Variants in L2HGDH observed in about 807,000 individuals in gnomAD.
L2HGDH encodes the protein L-2-hydroxyglutarate dehydrogenase, mitochondrial.
L2HGDH carries 34 observed loss-of-function variants against 51.5 expected under a neutral mutation model. That is an observed-to-expected ratio of 0.66 (90% CI 0.50 to 0.88). The LOEUF (loss-of-function observed/expected upper bound fraction) is 0.88. L2HGDH is among the 40% of genes least tolerant of loss of function. The probability of loss-of-function intolerance (pLI) is 0.00; values close to 1 mark genes in which losing one functional copy is unlikely to be tolerated. For missense variants in L2HGDH, 558 were observed against 571.9 expected, an observed-to-expected ratio of 0.98 and a Z score of 0.25; for synonymous variants, 198 against 197.9, an observed-to-expected ratio of 1.00 and a Z score of -0.01.
chr14:50,247,277 C>A (rs762530726), intron 9 of L2HGDH, 24 bp from the exon 10 acceptor site: 2 of 1,607,366 alleles, frequency 1.2e-6, no homozygotes, highest in Admixed American at 3.4e-5. Context: ...AGATGGGAGT[C>A]AGCTGACTCA....
intron 9 of L2HGDH, among the ~76,000 whole-genome samples, chr14:50,256,196 T>C (rs1888658273): frequency 6.6e-6 from 1 of 152,054 alleles, no homozygotes; most frequent in African/African-American, 2.4e-5. Flanking sequence ...TCTAGTATTT[T>C]ATAAAACTCC....
intron 5 of L2HGDH, among the ~76,000 whole-genome samples, chr14:50,279,564 G>A (rs937203528): frequency 8.5e-5 from 13 of 152,096 alleles, no homozygotes; most frequent in African/African-American, 2.9e-4. Flanking sequence ...TTTGGGCCAA[G>A]CACAGTGGCT....
intron 5 of L2HGDH, among the ~76,000 whole-genome samples, chr14:50,279,575 C>T (rs1174313690): frequency 6.6e-6 from 1 of 151,904 alleles, no homozygotes; most frequent in Non-Finnish European, 1.5e-5. Context: ...CACAGTGGCT[C>T]ATGCCTGTAA....
rs751430698 is a variant in L2HGDH at position 50,244,746 on chromosome 14, T to C, written c.*2312A>G. On this transcript the variant is annotated 3_prime_UTR_variant, in exon 10 of 10. Transcript: ENST00000267436. Reference sequence around the variant, plus strand: ...GCTCAATCAATGTAATCATCAATGCTTGAAGTGAGGGGAAAAGGAAGAAAA... The same window carrying C: ...GCTCAATCAATGTAATCATCAATGCCTGAAGTGAGGGGAAAAGGAAGAAAA... The C allele has an allele frequency of 1.2e-5, 12 of 985,440 alleles. No homozygotes were observed. Among genetic ancestry groups the C allele is most frequent in the Non-Finnish European group, 1.4e-5 (12 of 829,938 alleles). 61.0% of individuals were successfully genotyped at this position (985,440 alleles called of 1,614,324 possible). A position where few individuals can be genotyped will look rare whatever the true frequency, so the allele number is the denominator to read the frequency against.
At chr14:50,295,572 A>ATTTTTTT (rs545388262) in intron 3 of L2HGDH, among the ~76,000 whole-genome samples, 1 of 105,788 alleles carries the variant, frequency 9.5e-6, no homozygotes, top group Non-Finnish European at 1.8e-5. Flanking sequence ...CACTCGGCTA[A>ATTTTTTT]TTTTTTTTTT....
intron 3 of L2HGDH, among the ~76,000 whole-genome samples, chr14:50,300,234 A>T (rs1275626653): frequency 6.7e-6 from 1 of 149,824 alleles, no homozygotes; most frequent in Non-Finnish European, 1.5e-5. Flanking sequence ...TTTGCATCAT[A>T]AAAAAAAAAT....
intron 9 of L2HGDH, among the ~76,000 whole-genome samples, chr14:50,264,322 G>A (rs1035235522): frequency 2.2e-4 from 34 of 152,166 alleles, no homozygotes; most frequent in Non-Finnish European, 3.8e-4. Flanking sequence ...AGGTTGCAGC[G>A]AGCTGAGATG....
chr14:50,306,000 A>C (rs188703528), intron 1 of L2HGDH, among the ~76,000 whole-genome samples: 22 of 150,436 alleles, frequency 1.5e-4, no homozygotes, highest in African/African-American at 4.4e-4. Context: ...AGTTGGTTGA[A>C]TCTGCAGATG....
At chr14:50,253,050 A>T (rs1381648833) in intron 9 of L2HGDH, among the ~76,000 whole-genome samples, 1 of 152,140 alleles carries the variant, frequency 6.6e-6, no homozygotes, top group Non-Finnish European at 1.5e-5. Context: ...AACAAGTCTT[A>T]AAACATTCAA....
At chr14:50,308,359 C>G (rs1272741228) in intron 1 of L2HGDH, among the ~76,000 whole-genome samples, 1 of 150,508 alleles carries the variant, frequency 6.6e-6, no homozygotes, top group Non-Finnish European at 1.5e-5. Context: ...TGCGCTCCAG[C>G]CTGGGCAACA....
At chr14:50,302,237 A>T in intron 2 of L2HGDH, 69 bp from the exon 3 acceptor site, 1 of 1,523,544 alleles carries the variant, frequency 6.6e-7, no homozygotes, top group South Asian at 1.1e-5. Context: ...GTAAGAGAAC[A>T]AACTTATAGT....
At position 50,242,538 on chromosome 14, in the gene L2HGDH, G is replaced by A. The variant is rs1387810610; in HGVS notation, c.*4520C>T. ...AAACCCACAATACTTTCTAGGATTT[G>A]AGGCCAGAAAAGTAGAGTTGGTTGG... On this transcript the variant is annotated 3_prime_UTR_variant, in exon 10 of 10. Transcript: ENST00000267436. The A allele has an allele frequency of 1.0e-6, 1 of 984,434 alleles. No individual in the cohort carries two copies. Among genetic ancestry groups the A allele is most frequent in the Non-Finnish European group, 1.2e-6 (1 of 829,150 alleles). 61.0% of individuals were successfully genotyped at this position (984,434 alleles called of 1,614,324 possible).
Position 50,273,310 on chromosome 14 carries a change from C to T in L2HGDH, c.739-3980G>A, listed in dbSNP as rs115089981. Among the ~76,000 whole-genome samples, 1,002 of 152,254 alleles carry T rather than the reference C, an allele frequency of 6.6e-3. 13 individuals carry two copies. The highest frequency in any genetic ancestry group is 0.023 in the African/African-American group (941 of 41,536). On this transcript the variant is annotated intron_variant, in intron 6 of 9. Coordinates refer to ENST00000267436, the MANE Select transcript of L2HGDH (RefSeq NM_024884.3). ...ATGTTAGTTAGCCTCTTTCTCCAGG[C>T]ACCCCTGTCTTTACCTGACGGCATC...
rs567265784 is a variant in L2HGDH, at chr14:50,273,382, G to A, written c.739-4052C>T. 3.9e-5 allele frequency among the ~76,000 whole-genome samples: 6 copies of A among 152,228 alleles called. No individual in the cohort carries two copies. In the East Asian group the frequency reaches 7.7e-4, roughly 20 times the overall value. On this transcript the variant is annotated intron_variant, in intron 6 of 9. Coordinates refer to ENST00000267436, the MANE Select transcript of L2HGDH (RefSeq NM_024884.3). The stretch of plus-strand genomic sequence containing the variant: ...AAAGATAGTCTCCATAAATGGTGCT[G>A]GGAAAACTGGATAGCCCCATGCAAA...
chr14:50,276,108 A>G (rs1331386132), intron 6 of L2HGDH, among the ~76,000 whole-genome samples: 9 of 152,226 alleles, frequency 5.9e-5, no homozygotes, highest in Non-Finnish European at 1.2e-4. Flanking sequence ...ATATGCCTGG[A>G]ATACACATCT....
intron 8 of L2HGDH, among the ~76,000 whole-genome samples, chr14:50,266,303 T>A (rs557724385): frequency 6.6e-6 from 1 of 152,206 alleles, no homozygotes; most frequent in Non-Finnish European, 1.5e-5. Flanking sequence ...ATGAAAGAAA[T>A]GGGACATCTA....
chr14:50,305,273 TG>T (rs1263725947), intron 1 of L2HGDH, among the ~76,000 whole-genome samples: 1 of 152,144 alleles, frequency 6.6e-6, no homozygotes, highest in Non-Finnish European at 1.5e-5. Context: ...TTGGATAAAA[TG>T]GTTGTCAAGG....
chr14:50,304,728 G>T (rs749478671), intron 1 of L2HGDH, among the ~76,000 whole-genome samples: 69 of 152,224 alleles, frequency 4.5e-4, no homozygotes, highest in South Asian at 8.3e-4. Flanking sequence ...CCAGCTACTC[G>T]GGAGGCTGAG....
intron 9 of L2HGDH, among the ~76,000 whole-genome samples, chr14:50,259,338 C>G (rs1888862346): frequency 7.1e-6 from 1 of 140,246 alleles, no homozygotes; most frequent in South Asian, 2.3e-4. Context: ...TATTTGTTTT[C>G]TTTTCTTTCT....
Sources: allele counts gnomAD v4.1 joint callset (sites outside exome capture counted in the v4.1 genomes callset), GRCh38; gene constraint gnomAD v4.1.1; transcripts MANE v1.5; gene names NCBI Gene and HGNC (gene_info 2026-07-23, HGNC 2026-07-21).